The following CHD1L variants were observed in gnomAD, a reference collection of about 807,000 sequenced individuals.
The protein encoded by CHD1L is chromodomain helicase DNA binding protein 1 like.
In CHD1L, 118 loss-of-function variants were observed where a neutral mutation model predicts 115.9. The ratio of observed to expected loss-of-function variants is 1.02; its 90% confidence interval spans 0.88 to 1.19. CHD1L has a LOEUF of 1.19. CHD1L is among the 50% of genes most tolerant of loss of function. The probability of loss-of-function intolerance (pLI) is 0.00; values close to 1 mark genes in which losing one functional copy is unlikely to be tolerated. For synonymous variants in CHD1L, 411 were observed against 387.1 expected (o/e 1.06, Z -0.72); for missense variants, 1,179 against 1,065.3 (o/e 1.11, Z -1.49).
At chr1:147,182,249 T>A in the CHD1L span, among the ~76,000 whole-genome samples, 1 of 152,202 alleles carries the variant, frequency 6.6e-6, no homozygotes, top group Non-Finnish European at 1.5e-5. Flanking sequence ...GTGAAAATGT[T>A]ATGTGGAACT....
rs781821502 is a variant in CHD1L at position 147,275,356 on chromosome 1, G to A, written c.1273G>A (p.Gly425Arg). The change falls in exon 13 of 23, where the codon GGA (glycine) becomes AGA (arginine). Residue 425 changes from glycine (G) to arginine (R), a missense_variant and splice_region_variant. Coordinates refer to ENST00000369258, the MANE Select transcript of CHD1L (RefSeq NM_004284.6). ...FVFLLSTRAG[G>R]VGMNLTAADT... The stretch of plus-strand genomic sequence containing the variant: ...ATTCCTTTTTGCATTGTTTTCAGGT[G>A]GAGTTGGCATGAACTTAACAGCAGC... 3.1e-6 allele frequency: 5 copies of A among 1,610,866 alleles called. No homozygotes were observed. The South Asian group carries it at 3.3e-5, about 11-fold the overall frequency.
At chr1:147,247,822 C>G (rs376540569) in intron 1 of CHD1L, among the ~76,000 whole-genome samples, 10 of 152,154 alleles carry the variant, frequency 6.6e-5, no homozygotes, top group Non-Finnish European at 1.3e-4. Flanking sequence ...ACTCCTGGCC[C>G]CTTTCCTCCA....
the CHD1L span, among the ~76,000 whole-genome samples, chr1:147,181,807 T>C: frequency 6.6e-6 from 1 of 152,184 alleles, no homozygotes; most frequent in Non-Finnish European, 1.5e-5. Context: ...TGTTGGGCCA[T>C]GCATTTTAAA....
chr1:147,190,258 A>G, the CHD1L span: 2 of 1,550,006 alleles, frequency 1.3e-6, no homozygotes, highest in Non-Finnish European at 1.8e-6. Context: ...ACCTAAAAAC[A>G]AAAATTAACA....
intron 16 of CHD1L, 75 bp downstream of exon 16, chr1:147,284,574 C>A: frequency 2.3e-6 from 3 of 1,323,908 alleles, no homozygotes; most frequent in Non-Finnish European, 3.1e-6. Context: ...ATGATGCTGG[C>A]ATCGTTTTGT....
chr1:147,263,428 C>CAA (rs587643353), intron 6 of CHD1L, among the ~76,000 whole-genome samples: 85,938 of 124,212 alleles, frequency 0.69, 30,148 homozygotes, highest in Non-Finnish European at 0.72. Flanking sequence ...GACCCTGTCT[C>CAA]AAAAAAAAAA....
intron 1 of CHD1L, among the ~76,000 whole-genome samples, chr1:147,251,714 A>G (rs1161062391): frequency 2.0e-5 from 3 of 151,818 alleles, no homozygotes; most frequent in African/African-American, 4.8e-5. Context: ...ATTATTTATT[A>G]GAGACAGGTT....
the CHD1L span, among the ~76,000 whole-genome samples, chr1:147,185,094 C>T: frequency 6.6e-6 from 1 of 152,046 alleles, no homozygotes; most frequent in South Asian, 2.1e-4. Flanking sequence ...GTAACAAGAG[C>T]TTTGTATCTT....
chr1:147,235,337 G>A, the CHD1L span, among the ~76,000 whole-genome samples: 3 of 152,052 alleles, frequency 2.0e-5, no homozygotes, highest in South Asian at 2.1e-4. Context: ...TCAGTCCTTC[G>A]TAATACCTTG....
At chr1:147,288,161 C>T (rs1343193683) in intron 19 of CHD1L, among the ~76,000 whole-genome samples, 2 of 151,402 alleles carry the variant, frequency 1.3e-5, no homozygotes, top group East Asian at 1.9e-4. Context: ...CCTGTCTCTA[C>T]CAAAAATTTA....
At chr1:147,234,222 G>A in the CHD1L span, among the ~76,000 whole-genome samples, 1 of 152,146 alleles carries the variant, frequency 6.6e-6, no homozygotes, top group Non-Finnish European at 1.5e-5. Context: ...CCAGAGCTCG[G>A]AGCCTTCGCA....
At chr1:147,288,341 A>AAG (rs1684174823) in intron 19 of CHD1L, among the ~76,000 whole-genome samples, 2 of 3,800 alleles carry the variant, frequency 5.3e-4, no homozygotes, top group East Asian at 0.059. Context: ...AAAAAAAAAA[A>AAG]AAAAAGAAAA....
chr1:147,208,949 A>G, the CHD1L span: 1 of 1,614,116 alleles, frequency 6.2e-7, no homozygotes, highest in Non-Finnish European at 8.5e-7. Flanking sequence ...CAGATCTTCC[A>G]TATAAAATGT....
At chr1:147,267,652 A>G (rs1295573924) in intron 9 of CHD1L, 134 bp downstream of exon 9, 2 of 635,662 alleles carry the variant, frequency 3.1e-6, no homozygotes, top group Non-Finnish European at 2.8e-6. Flanking sequence ...CTGTATTGGT[A>G]TTAACTCATA....
chr1:147,292,131 A>AT (rs1254723417), intron 20 of CHD1L, among the ~76,000 whole-genome samples: 3 of 152,086 alleles, frequency 2.0e-5, no homozygotes, highest in African/African-American at 7.2e-5. Context: ...GAGGATTTCT[A>AT]TTTGTCTTTT....
intron 12 of CHD1L, among the ~76,000 whole-genome samples, chr1:147,274,663 TC>T (rs1677627683): frequency 6.6e-6 from 1 of 152,134 alleles, no homozygotes; most frequent in South Asian, 2.1e-4. Flanking sequence ...TCAGCTCTCT[TC>T]CTGCAGCACT....
At chr1:147,192,495 C>T in the CHD1L span, among the ~76,000 whole-genome samples, 2 of 151,958 alleles carry the variant, frequency 1.3e-5, no homozygotes, top group Non-Finnish European at 2.9e-5. Context: ...TAATCGAATA[C>T]CCTTTATTTC....
the CHD1L span, chr1:147,179,574 C>T: frequency 6.3e-7 from 1 of 1,587,004 alleles, no homozygotes; most frequent in Non-Finnish European, 8.6e-7. Flanking sequence ...TACAAACCCC[C>T]CTGTAATTCA....
In CHD1L at chr1:147,256,577, C is replaced by A; in HGVS notation, c.494+15C>A. 6.2e-7 allele frequency: 1 copy of A among 1,610,080 alleles called. No homozygotes were observed. The highest frequency in any genetic ancestry group is 1.7e-4 in the Middle Eastern group (1 of 6,052). On this transcript the variant is annotated intron_variant, in intron 5 of 22. Transcript: ENST00000369258. ...TTTCTAAAATCGTGAGTAGGTTGTACTATTTAAGAACTTGGGTTGAATGTA... is the reference window on the plus strand; with the variant it reads ...TTTCTAAAATCGTGAGTAGGTTGTAATATTTAAGAACTTGGGTTGAATGTA...
Sources: gnomAD v4.1 joint callset for allele counts (sites outside exome capture counted in the v4.1 genomes callset) on GRCh38, gnomAD v4.1.1 for gene constraint, MANE v1.5 for transcripts, NCBI Gene and HGNC (gene_info 2026-07-23, HGNC 2026-07-21) for gene names.